The following NEK10 variants were observed in gnomAD, a reference collection of about 807,000 sequenced individuals.
NEK10 encodes NIMA related kinase 10.
Under a neutral mutation model 159.8 loss-of-function variants are expected in NEK10, and 122 were observed. The ratio of observed to expected loss-of-function variants is 0.76; its 90% CI spans 0.66 to 0.89. The LOEUF (loss-of-function observed/expected upper bound fraction) is 0.89. NEK10 is among the 40% of genes least tolerant of loss of function. NEK10 has a pLI of 0.00. For synonymous variants in NEK10, 466 were observed against 457.1 expected, an observed-to-expected ratio of 1.02 and a Z score of -0.25; for missense variants, 1,342 against 1,323.1, an observed-to-expected ratio of 1.01 and a Z score of -0.22.
chr3:27,291,128 A>T, intron 18 of NEK10, 134 bp downstream of exon 18: 2 of 910,736 alleles, frequency 2.2e-6, no homozygotes, highest in South Asian at 1.9e-5. Context: ...TTGGACAAAA[A>T]CAATCATTCT....
At chr3:27,258,718 C>T (rs2040116163) in intron 22 of NEK10, among the ~76,000 whole-genome samples, 1 of 152,184 alleles carries the variant, frequency 6.6e-6, no homozygotes, top group African/African-American at 2.4e-5. Context: ...ATTTATAATT[C>T]TTTGGGTACA....
intron 23 of NEK10, among the ~76,000 whole-genome samples, chr3:27,223,600 G>GT (rs1293886142): frequency 1.2e-4 from 18 of 151,976 alleles, no homozygotes; most frequent in African/African-American, 3.9e-4. Flanking sequence ...CTTTCTTCTA[G>GT]TTTTTTTTCT....
rs1263301736 is a variant in NEK10, at chr3:27,192,173, C to A, written c.2361G>T (p.Met787Ile). 1 of 1,614,178 alleles carries A rather than the reference C, an allele frequency of 6.2e-7. No homozygotes were observed. Among genetic ancestry groups the A allele is most frequent in the South Asian group, 1.1e-5 (1 of 91,090 alleles). Residue 787 changes from methionine to isoleucine, a missense_variant, in exon 26 of 36, where the codon ATG (methionine) becomes ATT (isoleucine). Physicochemically the swap from Met to Ile is conservative, Grantham distance 10. Coordinates refer to ENST00000691995, the MANE Select transcript of NEK10 (RefSeq NM_001394966.1). ...TAGATAAGTTGTCTAAATATTTCATCATGACATCTGATATCATCGAACTGA... is the reference window on the plus strand; with the variant it reads ...TAGATAAGTTGTCTAAATATTTCATAATGACATCTGATATCATCGAACTGA... ...VEVSSMISDV[M>I]MKYLDNLSTS...
At chr3:27,334,853 C>G (rs969117735) in intron 5 of NEK10, among the ~76,000 whole-genome samples, 1 of 152,042 alleles carries the variant, frequency 6.6e-6, no homozygotes, top group African/African-American at 2.4e-5. Flanking sequence ...ATGACACCTC[C>G]AAAGGAGAAC....
intron 22 of NEK10, among the ~76,000 whole-genome samples, chr3:27,278,451 C>A (rs893057872): frequency 6.6e-6 from 1 of 152,194 alleles, no homozygotes; most frequent in Non-Finnish European, 1.5e-5. Flanking sequence ...ATATCTATCC[C>A]AGCAATGCCT....
At position 27,106,927 on chromosome 3, in the gene NEK10, C is replaced by T. The variant is rs1484693090; in HGVS notation, c.*4345G>A. On this transcript the variant is annotated 3_prime_UTR_variant, in exon 36 of 36. Transcript: ENST00000691995. ...TTAAACAGTCACGTACTTCTGTTATCGCTAAATACAGTAGCTGGGGCCAGT... is the reference window on the plus strand; with the variant it reads ...TTAAACAGTCACGTACTTCTGTTATTGCTAAATACAGTAGCTGGGGCCAGT... 1.3e-5 allele frequency among the ~76,000 whole-genome samples: 2 copies of T among 152,124 alleles called. No homozygotes were observed. The highest frequency in any genetic ancestry group is 2.4e-5 in the African/African-American group (1 of 41,438).
intron 35 of NEK10, among the ~76,000 whole-genome samples, chr3:27,113,748 T>C (rs1334306336): frequency 6.6e-6 from 1 of 152,166 alleles, no homozygotes; most frequent in Non-Finnish European, 1.5e-5. Context: ...GAAAGTAGAA[T>C]TGAAAAAGAA....
intron 7 of NEK10, among the ~76,000 whole-genome samples, chr3:27,313,264 CA>C (rs35978667): frequency 0.15 from 19,652 of 133,950 alleles, 1,448 homozygotes; most frequent in Non-Finnish European, 0.19. Flanking sequence ...GACCCTATCT[CA>C]AAAAAAAAAA....
Position 27,227,248 on chromosome 3 carries a change from C to T in NEK10, c.2091-24691G>A, listed in dbSNP as rs1575349595. Reference sequence around the variant, plus strand: ...GGAGTGATGCCCTTGAGGAAATGGACAGACAGGAGGAGGGGTGGCCTTCAC... The same window carrying T: ...GGAGTGATGCCCTTGAGGAAATGGATAGACAGGAGGAGGGGTGGCCTTCAC... On this transcript the variant is annotated intron_variant, in intron 23 of 35. Transcript: ENST00000691995. Among the ~76,000 whole-genome samples the T allele has an allele frequency of 2.6e-5, 4 of 152,202 alleles. No homozygotes were observed. The Middle Eastern group carries it at 0.01, about 388-fold the overall frequency.
In NEK10 at chr3:27,201,569, C is replaced by T. The variant is rs139373824; in HGVS notation, c.2232G>A (p.Ala744=). The T allele has an allele frequency of 2.2e-4, 360 of 1,613,376 alleles. No homozygotes were observed. Among genetic ancestry groups the T allele is most frequent in the African/African-American group, 2.0e-3 (151 of 74,866 alleles). ...MLSLATKIVE[A]VYEPVPEGIY... is the part of the protein sequence containing the mutation. ...TACCTTCTGGGACTGGTTCATATAC[C>T]GCCTCCACTATCTGCAAAACAAACA... The change falls in exon 25 of 36, where the codon GCG becomes GCA. Residue 744 remains alanine (A), a synonymous_variant. Transcript: ENST00000691995.
intron 22 of NEK10, among the ~76,000 whole-genome samples, chr3:27,264,427 A>G (rs2040703920): frequency 6.6e-6 from 1 of 152,238 alleles, no homozygotes; most frequent in African/African-American, 2.4e-5. Context: ...TGACATATAA[A>G]AAGCATAATA....
chr3:27,130,329 T>C (rs1233374311), intron 32 of NEK10, among the ~76,000 whole-genome samples: 1 of 152,192 alleles, frequency 6.6e-6, no homozygotes, highest in African/African-American at 2.4e-5. Flanking sequence ...TTCCTGTTTT[T>C]ATTTTCCCAG....
chr3:27,118,505 T>A (rs2125434026), intron 33 of NEK10, among the ~76,000 whole-genome samples: 1 of 152,350 alleles, frequency 6.6e-6, no homozygotes, highest in South Asian at 2.1e-4. Context: ...GTGGCTCATC[T>A]TTAAAGGCAT....
At position 27,184,985 on chromosome 3, in the gene NEK10, G is replaced by A. The variant is rs1011610210; in HGVS notation, c.2505+7044C>T. ...GCATTAAAAAAATGAGAATCTAGAT[G>A]CTTACATATCTGTTCAATTCTTATA... On this transcript the variant is annotated intron_variant, in intron 26 of 35. Coordinates refer to ENST00000691995, the MANE Select transcript of NEK10 (RefSeq NM_001394966.1). Among the ~76,000 whole-genome samples the A allele has an allele frequency of 2.6e-5, 4 of 152,166 alleles. No homozygotes were observed. In the East Asian group the frequency reaches 7.7e-4, roughly 29 times the overall value.
At chr3:27,323,896 C>T (rs991575167) in intron 5 of NEK10, among the ~76,000 whole-genome samples, 2 of 152,214 alleles carry the variant, frequency 1.3e-5, no homozygotes, top group Admixed American at 6.5e-5. Flanking sequence ...CAAGGCCTTG[C>T]ACCCAGCAGC....
intron 32 of NEK10, among the ~76,000 whole-genome samples, chr3:27,131,253 T>C (rs1288955270): frequency 6.6e-6 from 1 of 152,196 alleles, no homozygotes; most frequent in East Asian, 1.9e-4. Context: ...GGGGAGCTTA[T>C]GGCCACTTCC....
intron 22 of NEK10, among the ~76,000 whole-genome samples, chr3:27,281,784 C>A (rs2042177556): frequency 6.6e-6 from 1 of 151,936 alleles, no homozygotes; most frequent in African/African-American, 2.4e-5. Context: ...GTGCAGCAGG[C>A]CTAAAGTGAA....
At chr3:27,331,335 A>G (rs7612102) in intron 5 of NEK10, among the ~76,000 whole-genome samples, 120,422 of 150,730 alleles carry the variant, frequency 0.8, 48,207 homozygotes, top group East Asian at 0.88. Flanking sequence ...TAACTTGAAC[A>G]TCTGTCTCTA....
At chr3:27,239,655 C>T (rs7612715) in intron 23 of NEK10, among the ~76,000 whole-genome samples, 25,395 of 151,992 alleles carry the variant, frequency 0.17, 4,540 homozygotes, top group African/African-American at 0.45. Flanking sequence ...GTTTTCTATC[C>T]GATCTTTGTA....
Sources: gnomAD v4.1 joint callset for allele counts (sites outside exome capture counted in the v4.1 genomes callset) on GRCh38, gnomAD v4.1.1 for gene constraint, MANE v1.5 for transcripts, NCBI Gene and HGNC (gene_info 2026-07-23, HGNC 2026-07-21) for gene names.